The following GTF3C1 variants were observed in gnomAD, a reference collection of about 807,000 sequenced individuals.
GTF3C1 encodes general transcription factor 3C polypeptide 1.
Under a neutral mutation model 226.7 loss-of-function variants are expected in GTF3C1, and 57 were observed. The observed-to-expected ratio is 0.25, with a 90% CI of 0.20 to 0.31. GTF3C1 has a LOEUF of 0.31. GTF3C1 is among the 10% of genes least tolerant of loss of function. The pLI, the probability that GTF3C1 is intolerant of heterozygous loss-of-function variation, is 1.00. For synonymous variants in GTF3C1, 1,090 were observed against 1,084.8 expected, an observed-to-expected ratio of 1.00 and a Z score of -0.09; for missense variants, 2,217 against 2,776.1, an observed-to-expected ratio of 0.80 and a Z score of 4.53.
chr16:27,493,167 C>T (rs758351686), intron 17 of GTF3C1, 32 bp downstream of exon 17: 13 of 1,158,564 alleles, frequency 1.1e-5, no homozygotes, highest in Non-Finnish European at 1.6e-5. Flanking sequence ...TTTGGACCTG[C>T]GACTACTCTG....
intron 4 of GTF3C1, among the ~76,000 whole-genome samples, chr16:27,536,442 C>G (rs984335066): frequency 6.6e-6 from 1 of 152,116 alleles, no homozygotes; most frequent in Non-Finnish European, 1.5e-5. Flanking sequence ...ACTAAAAATA[C>G]GAAAATTAGC....
At chr16:27,483,003 T>C in intron 26 of GTF3C1, 41 bp downstream of exon 26, 1 of 1,558,138 alleles carries the variant, frequency 6.4e-7, no homozygotes, top group Non-Finnish European at 8.8e-7. Flanking sequence ...GCTGCCCCAA[T>C]CTCCCAAGCA....
At chr16:27,474,020 G>A (rs376654981) in intron 29 of GTF3C1, among the ~76,000 whole-genome samples, 1 of 152,172 alleles carries the variant, frequency 6.6e-6, no homozygotes, top group African/African-American at 2.4e-5. Flanking sequence ...GAGTTGGGGG[G>A]TATCGTCCAC....
chr16:27,504,603 T>C (rs978476800), intron 10 of GTF3C1, among the ~76,000 whole-genome samples: 1 of 152,156 alleles, frequency 6.6e-6, no homozygotes, highest in South Asian at 2.1e-4. Context: ...AAAGCTCACA[T>C]TGACCTTACA....
intron 6 of GTF3C1, among the ~76,000 whole-genome samples, chr16:27,522,338 TAC>T (rs1292967779): frequency 1.3e-5 from 2 of 152,234 alleles, no homozygotes; most frequent in Non-Finnish European, 2.9e-5. Flanking sequence ...AATGGAACCA[TAC>T]AGTCATGGCC....
chr16:27,489,152 C>G lies in GTF3C1; in HGVS notation c.3320G>C (p.Gly1107Ala), dbSNP rs201044354. 78 of 1,613,968 alleles carry G rather than the reference C, an allele frequency of 4.8e-5. No individual in the cohort carries two copies. Among genetic ancestry groups the G allele is most frequent in the Middle Eastern group, 1.6e-4 (1 of 6,080 alleles). Residue 1107 changes from glycine to alanine, a missense_variant, in exon 21 of 37, where the codon GGC becomes GCC. Gly to Ala is a moderately conservative substitution (Grantham distance 60). Transcript: ENST00000356183. Reference protein sequence around the residue: ...TTGSREVVDEGLIPGDGLGAA... With the variant: ...TTGSREVVDEALIPGDGLGAA... ...ACCCAGCCCATCTCCAGGGATCAAG[C>G]CTTCATCCACCACCTCACGGCTTCC...
intron 1 of GTF3C1, among the ~76,000 whole-genome samples, chr16:27,549,425 A>AAC (rs1467328919): frequency 6.6e-6 from 1 of 152,054 alleles, no homozygotes; most frequent in African/African-American, 2.4e-5. Context: ...ATTACCCCAA[A>AAC]ACACACACAG....
intron 6 of GTF3C1, among the ~76,000 whole-genome samples, chr16:27,515,682 T>G (rs767871293): frequency 1.3e-5 from 2 of 152,202 alleles, no homozygotes; most frequent in African/African-American, 4.8e-5. Flanking sequence ...TAGCTCCCCA[T>G]GTCTGTGACT....
chr16:27,470,331 G>A lies in GTF3C1; in HGVS notation c.4591C>T (p.Arg1531Trp), dbSNP rs756246174. 6.8e-6 allele frequency: 11 copies of A among 1,613,238 alleles called. No homozygotes were observed. Among genetic ancestry groups the A allele is most frequent in the Admixed American group, 1.7e-5 (1 of 60,018 alleles). The change falls in exon 31 of 37, where the codon CGG becomes TGG. Residue 1531 changes from arginine (R) to tryptophan (W), a missense_variant. Arg to Trp is a moderately radical substitution (Grantham distance 101). Transcript: ENST00000356183. The surrounding 1 kb of genome is among the most constrained non-coding windows in gnomAD (Gnocchi z 4.9). ...GGCTGGTCCAACTTGCCGGCAGCCCGCATTCTGTCCAAAAACTGGAATGAC... is the reference window on the plus strand; with the variant it reads ...GGCTGGTCCAACTTGCCGGCAGCCCACATTCTGTCCAAAAACTGGAATGAC... ...TESFQFLDRM[R>W]AAGKLDQPDR...
chr16:27,497,673 C>T lies in GTF3C1; in HGVS notation c.2314G>A (p.Gly772Ser). 1.2e-6 allele frequency: 2 copies of T among 1,613,964 alleles called. No individual in the cohort carries two copies. The highest frequency in any genetic ancestry group is 1.7e-6 in the Non-Finnish European group (2 of 1,179,882). ...TGATAATTTCTAAGCGGGGTTATGC[C>T]CATTTTATTATCACTTTTTTTCATC... ...GRMKKSDNKM[G>S]ITPLRNYHPI... Residue 772 changes from glycine (G) to serine (S), a missense_variant, in exon 14 of 37, where the codon GGC (glycine) becomes AGC (serine). Gly to Ser is a moderately conservative substitution (Grantham distance 56). This residue lies in a region of GTF3C1 where 100 missense variants were observed against 139.9 expected (regional missense o/e 0.71). Transcript: ENST00000356183.
chr16:27,495,210 C>G lies in GTF3C1; in HGVS notation c.2632+1G>C. 6.2e-7 allele frequency: 1 copy of G among 1,607,288 alleles called. No individual in the cohort carries two copies. Among genetic ancestry groups the G allele is most frequent in the South Asian group, 1.1e-5 (1 of 90,930 alleles). On this transcript the variant is annotated splice_donor_variant, in intron 15 of 36. Transcript: ENST00000356183. LOFTEE classifies it high-confidence loss of function. ...GTGCAGGAGTGGCAGGGGCCTCTCACCTGTCTCCGTGGCAAGCTCCACTTC... is the reference window on the plus strand; with the variant it reads ...GTGCAGGAGTGGCAGGGGCCTCTCAGCTGTCTCCGTGGCAAGCTCCACTTC...
chr16:27,476,873 C>T (rs232057), intron 28 of GTF3C1, among the ~76,000 whole-genome samples: 25,152 of 152,120 alleles, frequency 0.17, 2,229 homozygotes, highest in Middle Eastern at 0.22. Flanking sequence ...CACTGAAATA[C>T]AGAGCTAAAA....
At chr16:27,548,212 C>CA (rs2089193425) in intron 1 of GTF3C1, among the ~76,000 whole-genome samples, 1 of 152,234 alleles carries the variant, frequency 6.6e-6, no homozygotes, top group South Asian at 2.1e-4. Context: ...CTCTGTCCAA[C>CA]AGTCCTCTTT....
Position 27,462,053 on chromosome 16 carries a change from G to C in GTF3C1, c.6117+241C>G, listed in dbSNP as rs1022095118. On this transcript the variant is annotated intron_variant, in intron 36 of 36. Transcript: ENST00000356183. This position sits in a 1 kb window ranked among gnomAD's most constrained non-coding sequence, Gnocchi z 4.5. ...TCATGAGTTAGTGACCCCTGGCACA[G>C]AGAAAGCATCAGAGACAAGCACCCC... 2.7e-5 allele frequency: 15 copies of C among 549,054 alleles called. No homozygotes were observed. The highest frequency in any genetic ancestry group is 2.0e-4 in the South Asian group (8 of 40,068). The allele number at this position is 549,054 out of a possible 1,614,324, so 34.0% of individuals were successfully genotyped here.
intron 7 of GTF3C1, among the ~76,000 whole-genome samples, chr16:27,509,369 G>A (rs1422401192): frequency 2.0e-5 from 3 of 152,148 alleles, no homozygotes; most frequent in African/African-American, 4.8e-5. Flanking sequence ...GGAAGGAGTC[G>A]GCTTAGGAAC....
rs529094092 is a variant in GTF3C1 at position 27,549,011 on chromosome 16, G to A, written c.221+659C>T. Among the ~76,000 whole-genome samples, 17 of 152,212 alleles carry A rather than the reference G, an allele frequency of 1.1e-4. 1 individual carries two copies. The highest frequency in any genetic ancestry group is 3.4e-4 in the African/African-American group (14 of 41,540). ...CCTACTAAAAATGCAAAAATTAGCCGGGCGTGGTGGAACATGCCTGTAATC... is the reference window on the plus strand; with the variant it reads ...CCTACTAAAAATGCAAAAATTAGCCAGGCGTGGTGGAACATGCCTGTAATC... On this transcript the variant is annotated intron_variant, in intron 1 of 36. Transcript: ENST00000356183.
chr16:27,533,417 T>A, intron 4 of GTF3C1, 30 bp from the exon 5 acceptor site: 1 of 1,206,300 alleles, frequency 8.3e-7, no homozygotes. Flanking sequence ...ATTCGTTTTT[T>A]CAAACCTGTT....
intron 4 of GTF3C1, among the ~76,000 whole-genome samples, chr16:27,536,080 T>G (rs1263220769): frequency 6.6e-6 from 1 of 152,246 alleles, no homozygotes; most frequent in African/African-American, 2.4e-5. Flanking sequence ...TCAATTTATC[T>G]TGTTAACAGA....
In GTF3C1 at chr16:27,492,327, C is replaced by T. The variant is rs1031637817; in HGVS notation, c.3151+11G>A. The T allele has an allele frequency of 4.6e-6, 7 of 1,523,814 alleles. No individual in the cohort carries two copies. The African/African-American group carries it at 6.9e-5, about 15-fold the overall frequency. The allele number at this position is 1,523,814 out of a possible 1,614,324, so 94.4% of individuals were successfully genotyped here. On this transcript the variant is annotated intron_variant, in intron 19 of 36. Coordinates refer to ENST00000356183, the MANE Select transcript of GTF3C1 (RefSeq NM_001520.4). The surrounding 1 kb of genome is among the most constrained non-coding windows in gnomAD (Gnocchi z 5.0). Reference sequence around the variant, plus strand: ...AAGCAGCCAGGTTCAGCCGAGACAGCCGACACCCACCTAGTGGGGTGTTGA... The same window carrying T: ...AAGCAGCCAGGTTCAGCCGAGACAGTCGACACCCACCTAGTGGGGTGTTGA...
Sources: allele counts gnomAD v4.1 joint callset (sites outside exome capture counted in the v4.1 genomes callset), GRCh38; gene constraint gnomAD v4.1.1; regional missense constraint gnomAD v4.1.1; non-coding constraint Gnocchi (gnomAD v3.1); transcripts MANE v1.5; gene names NCBI Gene and HGNC (gene_info 2026-07-23, HGNC 2026-07-21).